Variants in RYR2 observed in about 807,000 individuals in gnomAD.
The protein encoded by RYR2 is ryanodine receptor 2, also known as cardiac muscle ryanodine receptor-calcium release channel.
RYR2 carries 227 observed loss-of-function variants against 601.1 expected under a neutral mutation model. That is an observed-to-expected ratio of 0.38 (90% CI 0.34 to 0.42). RYR2 has a LOEUF of 0.42. Ranked by LOEUF, RYR2 falls within the 10% of genes least tolerant of loss-of-function variation. The pLI, the probability that RYR2 is intolerant of heterozygous loss-of-function variation, is 1.00. For synonymous variants in RYR2, 2,223 were observed against 2,175.1 expected, an observed-to-expected ratio of 1.02 and a Z score of -0.61; for missense variants, 4,646 against 6,156.5, an observed-to-expected ratio of 0.75 and a Z score of 8.21.
At chr1:237,375,509 G>A (rs962336259) in intron 7 of RYR2, among the ~76,000 whole-genome samples, 18 of 152,150 alleles carry the variant, frequency 1.2e-4, no homozygotes, top group African/African-American at 4.3e-4. Context: ...CCCTTCAAGA[G>A]TGAGATCAAG....
At chr1:237,752,022 C>T (rs1692574497) in intron 80 of RYR2, among the ~76,000 whole-genome samples, 1 of 152,154 alleles carries the variant, frequency 6.6e-6, no homozygotes, top group Non-Finnish European at 1.5e-5. Flanking sequence ...ATTGTGATCA[C>T]AAACTATAGG....
chr1:237,814,509 G>A (rs1243164678), intron 100 of RYR2, among the ~76,000 whole-genome samples: 1 of 151,252 alleles, frequency 6.6e-6, no homozygotes, highest in Non-Finnish European at 1.5e-5. Context: ...ATAATTTACA[G>A]TAGGGGGCGC....
intron 1 of RYR2, among the ~76,000 whole-genome samples, chr1:237,231,207 G>A (rs1684963619): frequency 6.6e-6 from 1 of 152,154 alleles, no homozygotes; most frequent in African/African-American, 2.4e-5. Context: ...GAATGAGAGT[G>A]AGGGGAGGAA....
intron 1 of RYR2, among the ~76,000 whole-genome samples, chr1:237,187,650 C>A (rs1365414067): frequency 6.6e-6 from 1 of 151,766 alleles, no homozygotes; most frequent in Non-Finnish European, 1.5e-5. Context: ...CACTATGTTA[C>A]CCAGGCTGGT....
chr1:237,089,203 C>T (rs1666685435), intron 1 of RYR2, among the ~76,000 whole-genome samples: 1 of 152,200 alleles, frequency 6.6e-6, no homozygotes, highest in African/African-American at 2.4e-5. Flanking sequence ...AACTGTATTA[C>T]ATAACGGAGT....
chr1:237,290,135 T>C (rs1327046499), intron 2 of RYR2, among the ~76,000 whole-genome samples: 2 of 152,144 alleles, frequency 1.3e-5, no homozygotes, highest in African/African-American at 4.8e-5. Flanking sequence ...GGAAATGAAA[T>C]GACCAAAAGT....
Position 237,788,087 on chromosome 1 carries a change from A to C in RYR2, c.13428A>C (p.Pro4476=), listed in dbSNP as rs1057522551. ...ACAGATACGGAGAACCAGAAGTGCC[A>C]GAGTCAGCATTCTGGAAGAAAATCA... is the stretch of plus-strand genomic sequence containing the variant. ...HTHRYGEPEV[P]ESAFWKKIIA... The change falls in exon 92 of 105, where the codon CCA becomes CCC. Residue 4476 remains proline (P), a synonymous_variant. Transcript: ENST00000366574. 3.7e-6 allele frequency: 6 copies of C among 1,612,660 alleles called. No homozygotes were observed. Among genetic ancestry groups the C allele is most frequent in the Non-Finnish European group, 5.1e-6 (6 of 1,179,244 alleles).
chr1:237,633,427 G>C, intron 42 of RYR2, 151 bp from the exon 43 acceptor site: 1 of 856,134 alleles, frequency 1.2e-6, no homozygotes, highest in South Asian at 1.9e-5. Context: ...GAGGCAAATC[G>C]TAGTCTGCAC....
intron 2 of RYR2, among the ~76,000 whole-genome samples, chr1:237,307,465 A>C (rs1572544578): frequency 6.6e-6 from 1 of 152,374 alleles, no homozygotes; most frequent in East Asian, 1.9e-4. Context: ...ATTATTGTAC[A>C]TTATTGTAAA....
At chr1:237,077,828 T>G (rs1350456654) in intron 1 of RYR2, among the ~76,000 whole-genome samples, 1 of 151,900 alleles carries the variant, frequency 6.6e-6, no homozygotes, top group African/African-American at 2.4e-5. Flanking sequence ...TATACATTTT[T>G]TTCAGCACCA....
intron 10 of RYR2, among the ~76,000 whole-genome samples, chr1:237,410,366 G>A (rs1016069930): frequency 1.3e-5 from 2 of 152,178 alleles, no homozygotes; most frequent in Non-Finnish European, 2.9e-5. Context: ...TGTTATTCAA[G>A]ATAGATAAGG....
intron 100 of RYR2, among the ~76,000 whole-genome samples, chr1:237,811,769 T>G (rs1201823614): frequency 2.0e-5 from 3 of 152,212 alleles, no homozygotes; most frequent in Non-Finnish European, 2.9e-5. Context: ...ATTGTTCATG[T>G]GAAAATCATC....
intron 35 of RYR2, among the ~76,000 whole-genome samples, chr1:237,603,904 G>A (rs1377776541): frequency 6.6e-6 from 1 of 152,174 alleles, no homozygotes; most frequent in Non-Finnish European, 1.5e-5. Flanking sequence ...CAATACAGGA[G>A]CACCCAGATT....
At chr1:237,257,933 G>A (rs1354825907) in intron 1 of RYR2, among the ~76,000 whole-genome samples, 2 of 152,094 alleles carry the variant, frequency 1.3e-5, no homozygotes. Flanking sequence ...GGAGGCCAAG[G>A]CGGGCAGATC....
At chr1:237,319,511 CAT>C (rs1472031283) in intron 2 of RYR2, among the ~76,000 whole-genome samples, 1 of 152,148 alleles carries the variant, frequency 6.6e-6, no homozygotes, top group Non-Finnish European at 1.5e-5. Context: ...GAGTCTGTGA[CAT>C]GTCTCTCCTT....
chr1:237,515,733 C>CTCCTCCTCG (rs1666404758), intron 24 of RYR2, among the ~76,000 whole-genome samples: 1 of 137,638 alleles, frequency 7.3e-6, no homozygotes, highest in Non-Finnish European at 1.6e-5. Flanking sequence ...CTCCTTCTTT[C>CTCCTCCTCG]TCCTTCCCCT....
chr1:237,809,818 T>C (rs1487277111), intron 100 of RYR2, among the ~76,000 whole-genome samples: 1 of 152,158 alleles, frequency 6.6e-6, no homozygotes, highest in Non-Finnish European at 1.5e-5. Flanking sequence ...GATAATTTTA[T>C]ACTAAAGAAT....
chr1:237,566,981 T>C (rs925352229), intron 28 of RYR2, among the ~76,000 whole-genome samples: 5 of 152,228 alleles, frequency 3.3e-5, no homozygotes, highest in Non-Finnish European at 5.9e-5. Flanking sequence ...AAGACATTGC[T>C]TTTCCATGGT....
chr1:237,503,595 G>A (rs528797372), intron 22 of RYR2, 90 bp downstream of exon 22: 16 of 1,191,966 alleles, frequency 1.3e-5, no homozygotes, highest in South Asian at 6.7e-5. Context: ...CCATAGGAAC[G>A]AATTTCACAG....
Sources: allele counts gnomAD v4.1 joint callset (sites outside exome capture counted in the v4.1 genomes callset), GRCh38; gene constraint gnomAD v4.1.1; transcripts MANE v1.5; gene names NCBI Gene and HGNC (gene_info 2026-07-23, HGNC 2026-07-21).